The following MAGI1 variants were observed in gnomAD, a reference collection of about 807,000 sequenced individuals.
MAGI1 encodes the protein membrane-associated guanylate kinase, WW and PDZ domain-containing protein 1.
MAGI1 carries 58 observed loss-of-function variants against 139.9 expected under a neutral mutation model. That is an observed-to-expected ratio of 0.41 (90% CI 0.34 to 0.52). The LOEUF (loss-of-function observed/expected upper bound fraction) is 0.52, where lower values mean the gene tolerates loss of function less well. MAGI1 is among the 20% of genes least tolerant of loss of function. The pLI, the probability that MAGI1 is intolerant of heterozygous loss-of-function variation, is 0.12. For synonymous variants in MAGI1, 812 were observed against 737.9 expected, an observed-to-expected ratio of 1.10 and a Z score of -1.63; for missense variants, 1,874 against 1,901.6, an observed-to-expected ratio of 0.99 and a Z score of 0.27.
At chr3:65,713,106 G>C (rs967942236) in intron 1 of MAGI1, among the ~76,000 whole-genome samples, 1 of 152,100 alleles carries the variant, frequency 6.6e-6, no homozygotes, top group African/African-American at 2.4e-5. Context: ...TAGCTTTCCA[G>C]GCCCCATTCC....
At chr3:65,669,190 C>A (rs1383186082) in intron 1 of MAGI1, among the ~76,000 whole-genome samples, 1 of 152,060 alleles carries the variant, frequency 6.6e-6, no homozygotes, top group Non-Finnish European at 1.5e-5. Flanking sequence ...TGCACCCAGC[C>A]TTTTTTACAT....
intron 1 of MAGI1, among the ~76,000 whole-genome samples, chr3:65,639,415 C>G (rs182808792): frequency 1.1e-4 from 16 of 152,190 alleles, no homozygotes; most frequent in Admixed American, 2.6e-4. Flanking sequence ...TAGAAGAACT[C>G]TGGGCAAGGA....
chr3:65,638,748 AG>A (rs2107220041), intron 1 of MAGI1, among the ~76,000 whole-genome samples: 1 of 152,028 alleles, frequency 6.6e-6, no homozygotes, highest in Non-Finnish European at 1.5e-5. Context: ...CTGGGACTAC[AG>A]GCATGTGCCA....
chr3:66,030,129 C>T (rs1576521538), intron 1 of MAGI1, among the ~76,000 whole-genome samples: 1 of 152,170 alleles, frequency 6.6e-6, no homozygotes, highest in East Asian at 1.9e-4. Context: ...CTTGTAAACC[C>T]ATAATACTAA....
At chr3:65,358,540 G>A (rs1940449792) in intron 22 of MAGI1, among the ~76,000 whole-genome samples, 1 of 152,112 alleles carries the variant, frequency 6.6e-6, no homozygotes, top group African/African-American at 2.4e-5. Context: ...GGGTGTTTTG[G>A]GCCACACCAT....
chr3:65,554,665 G>A (rs563910442), intron 2 of MAGI1, among the ~76,000 whole-genome samples: 1 of 152,216 alleles, frequency 6.6e-6, no homozygotes, highest in African/African-American at 2.4e-5. Flanking sequence ...GTCCATCCAA[G>A]TCTCATACCT....
At chr3:65,936,258 A>G (rs958417191) in intron 1 of MAGI1, among the ~76,000 whole-genome samples, 1 of 152,212 alleles carries the variant, frequency 6.6e-6, no homozygotes, top group African/African-American at 2.4e-5. Context: ...GGTGGGAGGA[A>G]GGGAACTGAC....
intron 2 of MAGI1, among the ~76,000 whole-genome samples, chr3:65,542,152 G>A (rs991631482): frequency 6.6e-6 from 1 of 152,116 alleles, no homozygotes; most frequent in Non-Finnish European, 1.5e-5. Flanking sequence ...CAAATAATGA[G>A]TGAACTCCCA....
intron 1 of MAGI1, among the ~76,000 whole-genome samples, chr3:65,732,049 T>C (rs2034248704): frequency 6.6e-6 from 1 of 152,228 alleles, no homozygotes; most frequent in Middle Eastern, 3.2e-3. Flanking sequence ...ATTATATAGC[T>C]TCTTGGTAGA....
intron 1 of MAGI1, among the ~76,000 whole-genome samples, chr3:65,677,172 C>T (rs2087250428): frequency 6.6e-6 from 1 of 152,092 alleles, no homozygotes. Flanking sequence ...TCAGACTAGG[C>T]TAAATAAGGT....
At chr3:65,925,597 GTT>G (rs2062459081) in intron 1 of MAGI1, among the ~76,000 whole-genome samples, 1 of 152,166 alleles carries the variant, frequency 6.6e-6, no homozygotes, top group African/African-American at 2.4e-5. Flanking sequence ...CAATTAGAAC[GTT>G]TGTTAGATTG....
At chr3:65,905,475 A>G (rs1450909175) in intron 1 of MAGI1, among the ~76,000 whole-genome samples, 1 of 151,340 alleles carries the variant, frequency 6.6e-6, no homozygotes, top group Non-Finnish European at 1.5e-5. Flanking sequence ...TGGGTGACAG[A>G]GTAAGACCTT....
chr3:65,520,025 CA>C (rs1237675790), intron 2 of MAGI1, among the ~76,000 whole-genome samples: 2 of 152,048 alleles, frequency 1.3e-5, no homozygotes, highest in Admixed American at 1.3e-4. Context: ...GAGAGACCCA[CA>C]AGGAGAAAAA....
intron 2 of MAGI1, among the ~76,000 whole-genome samples, chr3:65,535,086 T>G (rs1193064709): frequency 2.0e-5 from 3 of 151,942 alleles, no homozygotes; most frequent in Admixed American, 1.3e-4. Context: ...TCAGCCCAGG[T>G]CAGCTCCTTC....
At position 65,755,094 on chromosome 3, in the gene MAGI1, C is replaced by T. The variant is rs141119527; in HGVS notation, c.314-133006G>A. On this transcript the variant is annotated intron_variant, in intron 1 of 22. Coordinates refer to ENST00000402939, the MANE Select transcript of MAGI1 (RefSeq NM_001033057.2). ...TCCCTAGTAGCTGGGATTACAGGCG[C>T]GTGCCACGAGGCCCAGCTAATTTTT... Among the ~76,000 whole-genome samples the T allele has an allele frequency of 1.6e-4, 24 of 151,848 alleles. No homozygotes were observed. In the East Asian group the frequency reaches 4.3e-3, roughly 27 times the overall value.
chr3:66,018,162 C>T (rs1439149996), intron 1 of MAGI1, among the ~76,000 whole-genome samples: 2 of 140,712 alleles, frequency 1.4e-5, no homozygotes, highest in South Asian at 2.4e-4. Flanking sequence ...TTTTCTTTTA[C>T]AAGCCTGGCT....
chr3:65,419,829 C>G (rs1301841838), intron 12 of MAGI1, among the ~76,000 whole-genome samples: 3 of 152,122 alleles, frequency 2.0e-5, no homozygotes, highest in Non-Finnish European at 2.9e-5. Context: ...CTTTACATAT[C>G]GCCTGCTACA....
chr3:65,918,544 C>G (rs1307638353), intron 1 of MAGI1, among the ~76,000 whole-genome samples: 1 of 151,980 alleles, frequency 6.6e-6, no homozygotes, highest in Non-Finnish European at 1.5e-5. Context: ...CCACGCCCAG[C>G]TAATTTTTGT....
intron 1 of MAGI1, among the ~76,000 whole-genome samples, chr3:65,652,210 T>G (rs563779288): frequency 6.6e-6 from 1 of 152,216 alleles, no homozygotes; most frequent in Non-Finnish European, 1.5e-5. Context: ...AATTCAACAC[T>G]GTAAAAATTT....
Sources: allele counts gnomAD v4.1 joint callset (sites outside exome capture counted in the v4.1 genomes callset), GRCh38; gene constraint gnomAD v4.1.1; transcripts MANE v1.5; gene names NCBI Gene and HGNC (gene_info 2026-07-23, HGNC 2026-07-21).